MALRD1: variants seen among roughly 807,000 people sequenced by gnomAD.
MALRD1 encodes MAM and LDL-receptor class A domain-containing protein 1.
A neutral mutation model predicts 242.1 loss-of-function variants in MALRD1; 247 were observed. The ratio of observed to expected loss-of-function variants is 1.02; its 90% CI spans 0.92 to 1.13. The LOEUF (loss-of-function observed/expected upper bound fraction) is 1.13, where lower values mean the gene tolerates loss of function less well. Ranked by LOEUF, MALRD1 falls within the 50% of genes most tolerant of loss-of-function variation. The pLI, the probability that MALRD1 is intolerant of heterozygous loss-of-function variation, is 0.00. For synonymous variants in MALRD1, 995 were observed against 866.6 expected (o/e 1.15, Z -2.60); for missense variants, 2,989 against 2,533.1 (o/e 1.18, Z -3.86).
intron 29 of MALRD1, among the ~76,000 whole-genome samples, chr10:19,464,279 T>C (rs532800253): frequency 4.6e-5 from 7 of 152,336 alleles, no homozygotes; most frequent in Non-Finnish European, 8.8e-5. Flanking sequence ...CGTGAAGTCT[T>C]TGCCTAAGCC....
At chr10:19,339,207 G>A (rs781540336) in intron 24 of MALRD1, among the ~76,000 whole-genome samples, 6 of 152,026 alleles carry the variant, frequency 3.9e-5, no homozygotes, top group Non-Finnish European at 7.4e-5. Flanking sequence ...TCTGGAAGAT[G>A]TATTTTAGCA....
intron 36 of MALRD1, among the ~76,000 whole-genome samples, chr10:19,621,180 C>T (rs1368058261): frequency 2.6e-5 from 4 of 151,302 alleles, no homozygotes; most frequent in Admixed American, 2.0e-4. Context: ...CCCCTCCCCA[C>T]CCAAAAAACA....
intron 28 of MALRD1, among the ~76,000 whole-genome samples, chr10:19,401,002 G>GGAGA (rs1846813656): frequency 1.3e-5 from 2 of 151,866 alleles, no homozygotes; most frequent in African/African-American, 4.8e-5. Context: ...GATGACAGAG[G>GGAGA]GAGACTATGT....
chr10:19,181,188 A>T (rs1835487454), intron 14 of MALRD1, among the ~76,000 whole-genome samples: 1 of 152,186 alleles, frequency 6.6e-6, no homozygotes, highest in African/African-American at 2.4e-5. Context: ...CTACCCTATG[A>T]TTTAGCAATC....
chr10:19,266,624 C>G (rs1588813528), intron 19 of MALRD1, among the ~76,000 whole-genome samples: 1 of 151,746 alleles, frequency 6.6e-6, no homozygotes, highest in East Asian at 1.9e-4. Context: ...ATATGTAAAT[C>G]ACTTATAACT....
chr10:19,314,528 C>T lies in MALRD1; in HGVS notation c.3420-9421C>T, dbSNP rs574001735. Among the ~76,000 whole-genome samples, 9 of 151,458 alleles carry T rather than the reference C, an allele frequency of 5.9e-5. No homozygotes were observed. The East Asian group carries it at 1.4e-3, about 23-fold the overall frequency. Reference sequence around the variant, plus strand: ...CATGAAATGGGCATATCTGGGTGTCCGAATACTTATGTAAATTTGAAGGTA... The same window carrying T: ...CATGAAATGGGCATATCTGGGTGTCTGAATACTTATGTAAATTTGAAGGTA... On this transcript the variant is annotated intron_variant, in intron 21 of 39. Transcript: ENST00000454679.
At chr10:19,634,817 AAACAAC>A (rs766617425) in intron 36 of MALRD1, among the ~76,000 whole-genome samples, 1 of 152,084 alleles carries the variant, frequency 6.6e-6, no homozygotes, top group Admixed American at 6.6e-5. Context: ...CCTATTTGAA[AAACAAC>A]AACAACAACA....
intron 31 of MALRD1, among the ~76,000 whole-genome samples, chr10:19,514,419 C>T (rs1486711845): frequency 6.6e-6 from 1 of 151,992 alleles, no homozygotes; most frequent in Non-Finnish European, 1.5e-5. Flanking sequence ...CTCTTTTAAT[C>T]AAGAGAAAGA....
At chr10:19,715,581 A>G (rs1834344274) in intron 38 of MALRD1, among the ~76,000 whole-genome samples, 1 of 152,034 alleles carries the variant, frequency 6.6e-6, no homozygotes, top group African/African-American at 2.4e-5. Context: ...TCATATTTGA[A>G]CCCCCAGTGC....
intron 20 of MALRD1, among the ~76,000 whole-genome samples, chr10:19,281,818 A>G (rs1488907046): frequency 6.6e-6 from 1 of 152,118 alleles, no homozygotes; most frequent in Non-Finnish European, 1.5e-5. Context: ...CAAAAAGAAT[A>G]CACAAATTAG....
chr10:19,401,944 A>C (rs542612381), intron 28 of MALRD1, among the ~76,000 whole-genome samples: 69 of 152,348 alleles, frequency 4.5e-4, no homozygotes, highest in African/African-American at 1.6e-3. Context: ...AAAACATGAT[A>C]CTTACATAAA....
chr10:19,714,822 T>G (rs1418811713), intron 38 of MALRD1, among the ~76,000 whole-genome samples: 1 of 152,144 alleles, frequency 6.6e-6, no homozygotes, highest in Non-Finnish European at 1.5e-5. Context: ...AGGGTGGAGA[T>G]GGGGAGCTCA....
At chr10:19,693,726 T>G (rs1833219392) in intron 38 of MALRD1, among the ~76,000 whole-genome samples, 1 of 152,176 alleles carries the variant, frequency 6.6e-6, no homozygotes, top group Non-Finnish European at 1.5e-5. Context: ...AAAAAACTAC[T>G]TTAAAGTTCA....
At chr10:19,661,602 A>G (rs2131734250) in intron 36 of MALRD1, among the ~76,000 whole-genome samples, 1 of 152,222 alleles carries the variant, frequency 6.6e-6, no homozygotes, top group African/African-American at 2.4e-5. Context: ...ACATGGACAC[A>G]GGAAGGGAAG....
At chr10:19,255,720 T>A (rs938154818) in intron 18 of MALRD1, among the ~76,000 whole-genome samples, 2 of 152,042 alleles carry the variant, frequency 1.3e-5, no homozygotes, top group Non-Finnish European at 2.9e-5. Flanking sequence ...TATGATTAAA[T>A]TATGTATTAG....
At chr10:19,111,373 A>G (rs1269412426) in intron 5 of MALRD1, among the ~76,000 whole-genome samples, 1 of 152,232 alleles carries the variant, frequency 6.6e-6, no homozygotes, top group African/African-American at 2.4e-5. Context: ...GGTGTGGAGA[A>G]GAAATTTACT....
chr10:19,615,761 G>A (rs2131610480), intron 35 of MALRD1, 96 bp from the exon 36 acceptor site: 1 of 996,032 alleles, frequency 1.0e-6, no homozygotes, highest in African/African-American at 1.6e-5. Flanking sequence ...TTTACTCTTA[G>A]AGATTAGATT....
intron 39 of MALRD1, among the ~76,000 whole-genome samples, chr10:19,733,348 T>C (rs1051637254): frequency 1.3e-5 from 2 of 152,172 alleles, no homozygotes; most frequent in South Asian, 4.1e-4. Flanking sequence ...AAATTTCAAA[T>C]ATCATTTAAT....
At chr10:19,660,114 T>C (rs1173922674) in intron 36 of MALRD1, among the ~76,000 whole-genome samples, 1 of 152,172 alleles carries the variant, frequency 6.6e-6, no homozygotes, top group Admixed American at 6.5e-5. Flanking sequence ...ACCCTTGTAG[T>C]AACAAAATGA....
Sources: allele counts gnomAD v4.1 joint callset (sites outside exome capture counted in the v4.1 genomes callset), GRCh38; gene constraint gnomAD v4.1.1; transcripts MANE v1.5; gene names NCBI Gene and HGNC (gene_info 2026-07-23, HGNC 2026-07-21).